SVEP1: variants seen among roughly 807,000 people sequenced by gnomAD.
SVEP1 encodes sushi, von Willebrand factor type A, EGF and pentraxin domain containing 1, also known as sushi, von Willebrand factor type A, EGF and pentraxin domain-containing protein 1.
Under a neutral mutation model 367.3 loss-of-function variants are expected in SVEP1, and 164 were observed. That is an observed-to-expected ratio of 0.45 (90% CI 0.39 to 0.51). The LOEUF (loss-of-function observed/expected upper bound fraction) is 0.51, where lower values mean the gene tolerates loss of function less well. SVEP1 is among the 20% of genes least tolerant of loss of function. The pLI is 0.00. For missense variants in SVEP1, 4,117 were observed against 4,425.3 expected (o/e 0.93, Z 1.98); for synonymous variants, 1,666 against 1,611.6 (o/e 1.03, Z -0.81).
chr9:110,425,384 C>T (rs951794540), intron 36 of SVEP1, among the ~76,000 whole-genome samples: 21 of 152,168 alleles, frequency 1.4e-4, no homozygotes, highest in African/African-American at 4.8e-4. Context: ...GTCTCATACC[C>T]TTTAACAATT....
intron 3 of SVEP1, among the ~76,000 whole-genome samples, chr9:110,514,359 A>T (rs1829768347): frequency 1.3e-5 from 2 of 151,838 alleles, no homozygotes; most frequent in South Asian, 4.2e-4. Flanking sequence ...TAAAAATACA[A>T]AAAATTAGCT....
rs372203507 is a variant in SVEP1, at chr9:110,427,729, G to A, written c.5837C>T (p.Thr1946Met). Residue 1946 changes from threonine (T) to methionine (M), a missense_variant, in exon 36 of 48, where the codon ACG (threonine) becomes ATG (methionine). This residue lies in a region of SVEP1 where 2,174 missense variants were observed against 2,494.3 expected (regional missense o/e 0.87). Coordinates refer to ENST00000374469, the MANE Select transcript of SVEP1 (RefSeq NM_153366.4). The stretch of plus-strand genomic sequence containing the variant: ...CGCTCTGTCCCAGATGCCAGAAGCC[G>A]TGCATTCAATAATGGAAGGGCCCTG... ...SLQGPSIIEC[T>M]ASGIWDRAPP... 4.2e-5 allele frequency: 68 copies of A among 1,612,988 alleles called. No individual in the cohort carries two copies. The highest frequency in any genetic ancestry group is 1.9e-4 in the African/African-American group (14 of 74,896).
intron 5 of SVEP1, among the ~76,000 whole-genome samples, chr9:110,505,247 G>T (rs1227376007): frequency 2.0e-5 from 3 of 152,138 alleles, no homozygotes; most frequent in African/African-American, 7.2e-5. Flanking sequence ...CCTGGTAAGA[G>T]TCTCCAACTG....
At position 110,447,055 on chromosome 9, in the gene SVEP1, C is replaced by A; in HGVS notation, c.4106G>T (p.Cys1369Phe). 1.3e-6 allele frequency: 2 copies of A among 1,482,440 alleles called. No homozygotes were observed. Among genetic ancestry groups the A allele is most frequent in the Admixed American group, 2.4e-5 (1 of 41,086 alleles). The allele number at this position is 1,482,440 out of a possible 1,614,324, so 91.8% of individuals were successfully genotyped here. A position where few individuals can be genotyped will look rare whatever the true frequency, so the allele number is the denominator to read the frequency against. The change falls in exon 25 of 48, where the codon TGC becomes TTC. Residue 1369 changes from cysteine to phenylalanine, a missense_variant and splice_region_variant. Around this residue, in one of 4 missense-constraint regions of SVEP1, gnomAD observed 2,174 missense variants for 2,494.3 expected, o/e 0.87. Coordinates refer to ENST00000374469, the MANE Select transcript of SVEP1 (RefSeq NM_153366.4). ...TCKDGANSFR[C>F]LCAAGFTGSH... ...TCCTGTGAAGCCAGCTGCACACAGG[C>A]ATCTGAAAGAAAACAAAATGTTGTA... is the stretch of plus-strand genomic sequence containing the variant.
chr9:110,399,096 A>T (rs1322221834), intron 40 of SVEP1, among the ~76,000 whole-genome samples: 3 of 152,216 alleles, frequency 2.0e-5, no homozygotes, highest in Non-Finnish European at 4.4e-5. Context: ...GAACCAACCC[A>T]AATGTCCAAC....
chr9:110,443,457 G>A (rs1266673392), intron 27 of SVEP1, 88 bp downstream of exon 27: 12 of 1,169,814 alleles, frequency 1.0e-5, no homozygotes, highest in Admixed American at 3.8e-5. Context: ...TTGAAACCAA[G>A]AACAACAATG....
rs192347509 is a variant in SVEP1, at chr9:110,408,356, C to G, written c.7244G>C (p.Arg2415Thr). Residue 2415 changes from arginine to threonine, a missense_variant, in exon 38 of 48, where the codon AGA becomes ACA. Transcript: ENST00000374469. ...TTGGCAGAGGGTGGTAGAATTTCCTCTTAGGAAAAACCCACCTACACAAGA... is the reference window on the plus strand; with the variant it reads ...TTGGCAGAGGGTGGTAGAATTTCCTGTTAGGAAAAACCCACCTACACAAGA... ...KYSCVGGFFL[R>T]GNSTTLCQPD... 15 of 1,613,872 alleles carry G rather than the reference C, an allele frequency of 9.3e-6. No individual in the cohort carries two copies. The highest frequency in any genetic ancestry group is 1.3e-5 in the Non-Finnish European group (15 of 1,179,860).
rs1386436273 is a variant in SVEP1, at chr9:110,387,342, A to G, written c.10003T>C (p.Ser3335Pro). Residue 3335 changes from serine to proline, a missense_variant, in exon 42 of 48, where the codon TCT becomes CCT. Transcript: ENST00000374469. The stretch of plus-strand genomic sequence containing the variant: ...CCATTTTCTGTGCAGTGTGCCTCAG[A>G]TGGCCCTTCAAGACTGTAGCCTCTG... ...CNRGYSLEGPSEAHCTENGTW... is the reference protein window; with the variant it reads ...CNRGYSLEGPPEAHCTENGTW... 2 of 1,613,258 alleles carry G rather than the reference A, an allele frequency of 1.2e-6. No individual in the cohort carries two copies. The highest frequency in any genetic ancestry group is 1.7e-6 in the Non-Finnish European group (2 of 1,179,696).
At chr9:110,508,837 A>T (rs1289024156) in intron 5 of SVEP1, among the ~76,000 whole-genome samples, 1 of 151,606 alleles carries the variant, frequency 6.6e-6, no homozygotes, top group Non-Finnish European at 1.5e-5. Context: ...TAAGTGCTTT[A>T]TGAAAAGTGC....
In SVEP1 at chr9:110,407,313, A is replaced by C. The variant is rs1827970777; in HGVS notation, c.8287T>G (p.Trp2763Gly). Residue 2763 changes from tryptophan (W) to glycine (G), a missense_variant, in exon 38 of 48, where the codon TGG becomes GGG. Physicochemically the swap from Trp to Gly is radical, Grantham distance 184. This residue lies in a region of SVEP1 where 1,765 missense variants were observed against 1,781.1 expected (regional missense o/e 0.99). Transcript: ENST00000374469. ...TCACAGCGTGGGGAGGCACCACTCC[A>C]CTTTCTATTCTCTAGACAAAGCCTT... ...DLRLCLENRKWSGASPRCEAI... is the reference protein window; with the variant it reads ...DLRLCLENRKGSGASPRCEAI... 6.2e-7 allele frequency: 1 copy of C among 1,613,954 alleles called. No homozygotes were observed. The highest frequency in any genetic ancestry group is 1.7e-5 in the Admixed American group (1 of 60,014).
chr9:110,455,350 G>T (rs574590426), intron 22 of SVEP1, among the ~76,000 whole-genome samples: 2 of 152,126 alleles, frequency 1.3e-5, no homozygotes, highest in African/African-American at 4.8e-5. Flanking sequence ...ATGGGAACAC[G>T]CCTGCTTGTT....
rs1182887688 is a variant in SVEP1 at position 110,403,312 on chromosome 9, T to TGTTTTTTTG, written c.9666+1014_9666+1015insCAAAAAAAC. Among the ~76,000 whole-genome samples the TGTTTTTTTG allele has an allele frequency of 2.8e-4, 38 of 135,054 alleles. 1 individual carries two copies. Among genetic ancestry groups the TGTTTTTTTG allele is most frequent in the African/African-American group, 1.1e-3 (37 of 33,844 alleles). 88.6% of individuals were successfully genotyped at this position (135,054 alleles called of 152,430 possible). On this transcript the variant is annotated intron_variant, in intron 39 of 47. Transcript: ENST00000374469. ...GCCACCGCCGTTTTTTTTTTTTTTT[T>TGTTTTTTTG]TTTTTTTTTTTGACACGGAGTATTG... is the stretch of plus-strand genomic sequence containing the variant.
At chr9:110,517,077 C>G (rs1014617643) in intron 3 of SVEP1, among the ~76,000 whole-genome samples, 2 of 152,062 alleles carry the variant, frequency 1.3e-5, no homozygotes, top group Non-Finnish European at 2.9e-5. Flanking sequence ...AAATTATGAA[C>G]CCCAAGTTTT....
At chr9:110,481,528 CTCCTGTCTA>C in intron 11 of SVEP1, 92 bp from the exon 12 acceptor site, 2 of 905,536 alleles carry the variant, frequency 2.2e-6, no homozygotes, top group Non-Finnish European at 3.0e-6. Context: ...AAAAGGACTC[CTCCTGTCTA>C]TCGCTATTTC....
intron 23 of SVEP1, 114 bp from the exon 24 acceptor site, chr9:110,450,374 G>A (rs983492151): frequency 1.5e-5 from 16 of 1,075,432 alleles, no homozygotes; most frequent in Non-Finnish European, 2.0e-5. Flanking sequence ...AATGGAGGCT[G>A]TGGAGCCCAT....
At chr9:110,534,023 C>G (rs1215707601) in intron 3 of SVEP1, among the ~76,000 whole-genome samples, 1 of 152,068 alleles carries the variant, frequency 6.6e-6, no homozygotes, top group Non-Finnish European at 1.5e-5. Context: ...AAGTCCACCA[C>G]TTTTTTAAAC....
intron 32 of SVEP1, among the ~76,000 whole-genome samples, chr9:110,431,020 G>A (rs181609236): frequency 3.9e-5 from 6 of 152,282 alleles, no homozygotes; most frequent in East Asian, 1.9e-4. Context: ...TTCTCAAAAC[G>A]GGAGGATATA....
At chr9:110,425,378 C>T (rs1383320761) in intron 36 of SVEP1, among the ~76,000 whole-genome samples, 1 of 152,186 alleles carries the variant, frequency 6.6e-6, no homozygotes, top group Non-Finnish European at 1.5e-5. Flanking sequence ...AAAATGGTCT[C>T]ATACCCTTTA....
chr9:110,415,368 T>G (rs1160970500), intron 36 of SVEP1, among the ~76,000 whole-genome samples: 2 of 152,066 alleles, frequency 1.3e-5, no homozygotes, highest in African/African-American at 4.8e-5. Context: ...GGTAAGCATG[T>G]GGCTTATATA....
Sources: gnomAD v4.1 joint callset for allele counts (sites outside exome capture counted in the v4.1 genomes callset) on GRCh38, gnomAD v4.1.1 for gene constraint, gnomAD v4.1.1 regional missense constraint, MANE v1.5 for transcripts, NCBI Gene and HGNC (gene_info 2026-07-23, HGNC 2026-07-21) for gene names.